Variants in SPATS2 observed in about 807,000 individuals in gnomAD.
SPATS2 encodes the protein spermatogenesis-associated serine-rich protein 2.
Under a neutral mutation model 63.7 loss-of-function variants are expected in SPATS2, and 38 were observed. The ratio of observed to expected loss-of-function variants is 0.60; its 90% confidence interval spans 0.46 to 0.78. The LOEUF (loss-of-function observed/expected upper bound fraction) is 0.78, where lower values mean the gene tolerates loss of function less well. Among genes scored for constraint, SPATS2 ranks in the 30% least tolerant of loss-of-function variants. The probability of loss-of-function intolerance (pLI) is 0.00; values close to 1 mark genes in which losing one functional copy is unlikely to be tolerated. For synonymous variants in SPATS2, 207 were observed against 232.9 expected (o/e 0.89, Z 1.01); for missense variants, 588 against 666.2 (o/e 0.88, Z 1.29).
chr12:49,504,204 C>T (rs566887649), intron 9 of SPATS2, among the ~76,000 whole-genome samples: 1 of 152,262 alleles, frequency 6.6e-6, no homozygotes, highest in African/African-American at 2.4e-5. Flanking sequence ...AAGTACATTA[C>T]CCCTGACAAG....
At chr12:49,367,884 A>G (rs1280075084) in intron 1 of SPATS2, among the ~76,000 whole-genome samples, 1 of 152,158 alleles carries the variant, frequency 6.6e-6, no homozygotes, top group Non-Finnish European at 1.5e-5. Flanking sequence ...TTGGATTTTA[A>G]GAAACAACGA....
intron 4 of SPATS2, among the ~76,000 whole-genome samples, chr12:49,485,268 G>A (rs190969729): frequency 1.3e-5 from 2 of 151,552 alleles, no homozygotes; most frequent in Non-Finnish European, 2.9e-5. Flanking sequence ...GGGTTTCGCC[G>A]TGGCCTCGAT....
At chr12:49,508,979 G>A (rs1946699499) in intron 9 of SPATS2, among the ~76,000 whole-genome samples, 1 of 152,010 alleles carries the variant, frequency 6.6e-6, no homozygotes, top group African/African-American at 2.4e-5. Flanking sequence ...CAGGAAAATT[G>A]CTTGAACCGG....
intron 2 of SPATS2, among the ~76,000 whole-genome samples, chr12:49,387,954 A>AT (rs1350786471): frequency 2.0e-5 from 3 of 151,652 alleles, no homozygotes; most frequent in Admixed American, 6.6e-5. Flanking sequence ...TTAAGTATTT[A>AT]TTTTTTTTGA....
At chr12:49,412,751 TA>T (rs5798103) in intron 2 of SPATS2, among the ~76,000 whole-genome samples, 68,057 of 146,524 alleles carry the variant, frequency 0.46, 16,365 homozygotes, top group East Asian at 0.89. Flanking sequence ...ACGCTCATTC[TA>T]AAAAAAAAAA....
At chr12:49,485,067 C>CTTT (rs1172351346) in intron 4 of SPATS2, among the ~76,000 whole-genome samples, 3 of 138,170 alleles carry the variant, frequency 2.2e-5, no homozygotes, top group African/African-American at 5.3e-5. Flanking sequence ...AGAAATAGGT[C>CTTT]TTTTTTTTTT....
chr12:49,474,009 G>A (rs1397623960), intron 3 of SPATS2, among the ~76,000 whole-genome samples: 1 of 152,230 alleles, frequency 6.6e-6, no homozygotes, highest in African/African-American at 2.4e-5. Context: ...AGACTTCTAA[G>A]TACTAGCAGT....
chr12:49,385,836 G>GTTT (rs199632118), intron 2 of SPATS2, among the ~76,000 whole-genome samples: 2 of 143,212 alleles, frequency 1.4e-5, no homozygotes, highest in African/African-American at 5.6e-5. Flanking sequence ...GGTTTTTTTT[G>GTTT]TTTTTTGTTT....
At chr12:49,445,657 G>A (rs1265829010) in intron 2 of SPATS2, among the ~76,000 whole-genome samples, 2 of 151,908 alleles carry the variant, frequency 1.3e-5, no homozygotes, top group East Asian at 3.9e-4. Flanking sequence ...AGCTGGGACT[G>A]CAGGTGTGTG....
At position 49,388,504 on chromosome 12, in the gene SPATS2, A is replaced by G. The variant is rs374301053; in HGVS notation, c.-244+17214A>G. Among the ~76,000 whole-genome samples the G allele has an allele frequency of 6.6e-5, 10 of 151,212 alleles. No individual in the cohort carries two copies. The East Asian group carries it at 7.8e-4, about 12-fold the overall frequency. On this transcript the variant is annotated intron_variant, in intron 2 of 13. Transcript: ENST00000552918. ...TCCTCCTGCCTCAGCCTTATGAGCA[A>G]TTGGGACTACAGGCATGTGCCACCA... is the stretch of plus-strand genomic sequence containing the variant.
At chr12:49,441,967 T>C (rs921011940) in intron 2 of SPATS2, among the ~76,000 whole-genome samples, 2 of 152,136 alleles carry the variant, frequency 1.3e-5, no homozygotes, top group Non-Finnish European at 2.9e-5. Flanking sequence ...GGGAGAGCCA[T>C]GACCAGGAGT....
At chr12:49,466,691 T>C (rs1352989983) in intron 3 of SPATS2, among the ~76,000 whole-genome samples, 2 of 152,216 alleles carry the variant, frequency 1.3e-5, no homozygotes, top group Non-Finnish European at 2.9e-5. Context: ...TATTGATTAG[T>C]ATGGCTTTAT....
At chr12:49,515,412 A>G (rs1034727552) in intron 10 of SPATS2, among the ~76,000 whole-genome samples, 2 of 152,222 alleles carry the variant, frequency 1.3e-5, no homozygotes, top group African/African-American at 4.8e-5. Context: ...TGGTAAGAAT[A>G]GAAATGCTGG....
At chr12:49,421,340 C>T (rs533864694) in intron 2 of SPATS2, among the ~76,000 whole-genome samples, 3 of 142,594 alleles carry the variant, frequency 2.1e-5, no homozygotes, top group Non-Finnish European at 4.5e-5. Context: ...ATCTCTTGAA[C>T]CTGGGAGGCA....
rs1946963200 is a variant in SPATS2 at position 49,522,735 on chromosome 12, T to G, written c.1009-16T>G. ...TGTTTGTCTAACCTGGAGGCCTTTCTTTGTCCTTTCTCCAGCACTTTGTTA... is the reference window on the plus strand; with the variant it reads ...TGTTTGTCTAACCTGGAGGCCTTTCGTTGTCCTTTCTCCAGCACTTTGTTA... On this transcript the variant is annotated splice_polypyrimidine_tract_variant and intron_variant, in intron 11 of 13. Transcript: ENST00000552918. 6.2e-7 allele frequency: 1 copy of G among 1,610,974 alleles called. No individual in the cohort carries two copies. Among genetic ancestry groups the G allele is most frequent in the Non-Finnish European group, 8.5e-7 (1 of 1,177,820 alleles).
chr12:49,416,150 T>A (rs1214746918), intron 2 of SPATS2, among the ~76,000 whole-genome samples: 1 of 152,176 alleles, frequency 6.6e-6, no homozygotes, highest in South Asian at 2.1e-4. Flanking sequence ...TTTTATCTTT[T>A]ATGGTTCTGA....
At chr12:49,459,980 C>T (rs1253249220) in intron 2 of SPATS2, among the ~76,000 whole-genome samples, 3 of 149,028 alleles carry the variant, frequency 2.0e-5, no homozygotes, top group Admixed American at 6.7e-5. Flanking sequence ...TGGTGGCAGG[C>T]GCCTGTAATC....
intron 4 of SPATS2, 36 bp from the exon 5 acceptor site, chr12:49,489,429 A>C: frequency 6.4e-7 from 1 of 1,562,946 alleles, no homozygotes; most frequent in Non-Finnish European, 8.8e-7. Context: ...GTGACCTACT[A>C]ATGTTAGAAT....
intron 6 of SPATS2, among the ~76,000 whole-genome samples, chr12:49,494,124 A>G (rs1946427372): frequency 6.6e-6 from 1 of 152,202 alleles, no homozygotes; most frequent in Non-Finnish European, 1.5e-5. Context: ...CTAGTCAAAG[A>G]GTATGTGCAT....
Sources: allele counts gnomAD v4.1 joint callset (sites outside exome capture counted in the v4.1 genomes callset), GRCh38; gene constraint gnomAD v4.1.1; transcripts MANE v1.5; gene names NCBI Gene and HGNC (gene_info 2026-07-23, HGNC 2026-07-21).